FRMD4A: variants seen among roughly 807,000 people sequenced by gnomAD.
The protein encoded by FRMD4A is FERM domain-containing protein 4A.
In FRMD4A, 29 loss-of-function variants were observed where a neutral mutation model predicts 129.1. The ratio of observed to expected loss-of-function variants is 0.22; its 90% CI spans 0.17 to 0.31. The LOEUF is 0.31. FRMD4A is among the 10% of genes least tolerant of loss of function. FRMD4A has a pLI of 1.00. For synonymous variants in FRMD4A, 634 were observed against 571.6 expected (o/e 1.11, Z -1.56); for missense variants, 1,272 against 1,375.8 (o/e 0.92, Z 1.19).
intron 2 of FRMD4A, among the ~76,000 whole-genome samples, chr10:14,213,423 T>C (rs1191088900): frequency 1.3e-5 from 2 of 152,174 alleles, no homozygotes; most frequent in African/African-American, 4.8e-5. Context: ...CTATTATCTT[T>C]GAGCTCAGAG....
intron 12 of FRMD4A, among the ~76,000 whole-genome samples, chr10:13,726,519 G>A (rs2089906433): frequency 6.6e-6 from 1 of 152,190 alleles, no homozygotes; most frequent in Non-Finnish European, 1.5e-5. Flanking sequence ...AGAGCAGTGG[G>A]CCTTAAGCTC....
chr10:14,010,125 G>A (rs2095676206), intron 2 of FRMD4A, among the ~76,000 whole-genome samples: 1 of 151,980 alleles, frequency 6.6e-6, no homozygotes, highest in African/African-American at 2.4e-5. Flanking sequence ...GTCGGTGGGG[G>A]GGACAATGAT....
chr10:13,854,062 G>GTGAAAATCCACTCTATTTTTA (rs1158718819), intron 3 of FRMD4A, among the ~76,000 whole-genome samples: 2 of 151,990 alleles, frequency 1.3e-5, no homozygotes, highest in African/African-American at 2.4e-5. Context: ...TTCCATTCTA[G>GTGAAAATCCACTCTATTTTTA]TGAAAATCCA....
chr10:14,208,444 C>T (rs936968855), intron 2 of FRMD4A, among the ~76,000 whole-genome samples: 4 of 152,050 alleles, frequency 2.6e-5, no homozygotes, highest in African/African-American at 7.2e-5. Flanking sequence ...TGTTATCTAC[C>T]GCGTGGATGC....
intron 2 of FRMD4A, among the ~76,000 whole-genome samples, chr10:14,273,270 A>G (rs899745494): frequency 6.6e-6 from 1 of 152,052 alleles, no homozygotes; most frequent in African/African-American, 2.4e-5. Context: ...AAAAAAATAT[A>G]TATATCTTTT....
At chr10:13,661,359 G>A (rs1018806915) in intron 19 of FRMD4A, among the ~76,000 whole-genome samples, 5 of 152,216 alleles carry the variant, frequency 3.3e-5, no homozygotes, top group African/African-American at 1.2e-4. Flanking sequence ...AGGCAAAGAG[G>A]AGGAGGAAGG....
intron 2 of FRMD4A, among the ~76,000 whole-genome samples, chr10:14,124,287 T>C (rs1838703333): frequency 6.6e-6 from 1 of 152,180 alleles, no homozygotes; most frequent in African/African-American, 2.4e-5. Flanking sequence ...CTGTTCCAGG[T>C]GCCATGATCA....
At chr10:14,061,288 C>G (rs1834800881) in intron 2 of FRMD4A, among the ~76,000 whole-genome samples, 1 of 151,994 alleles carries the variant, frequency 6.6e-6, no homozygotes, top group Non-Finnish European at 1.5e-5. Context: ...CCCGTCTCTA[C>G]TAAAAATACA....
intron 20 of FRMD4A, among the ~76,000 whole-genome samples, chr10:13,660,023 T>C (rs2082508744): frequency 6.6e-6 from 1 of 152,234 alleles, no homozygotes; most frequent in African/African-American, 2.4e-5. Context: ...TATTTCAGAA[T>C]AGCGCTGCCT....
At chr10:14,211,705 G>C (rs1051813043) in intron 2 of FRMD4A, among the ~76,000 whole-genome samples, 1 of 152,146 alleles carries the variant, frequency 6.6e-6, no homozygotes. Context: ...GGCCAGGCTG[G>C]ATCGTGATGT....
chr10:13,889,652 A>G (rs1467736241), intron 2 of FRMD4A, among the ~76,000 whole-genome samples: 1 of 152,222 alleles, frequency 6.6e-6, no homozygotes, highest in Non-Finnish European at 1.5e-5. Context: ...CAAAAACAAT[A>G]TAGCAATAGC....
chr10:13,952,424 C>T (rs1422357163), intron 2 of FRMD4A, among the ~76,000 whole-genome samples: 1 of 151,922 alleles, frequency 6.6e-6, no homozygotes, highest in African/African-American at 2.4e-5. Flanking sequence ...TCACTTGAGC[C>T]CAGGAGTTGG....
chr10:14,021,228 T>TA (rs1386095364), intron 2 of FRMD4A, among the ~76,000 whole-genome samples: 3 of 151,398 alleles, frequency 2.0e-5, no homozygotes, highest in African/African-American at 4.9e-5. Context: ...ATACAGAAAA[T>TA]AAAAAAAATC....
intron 2 of FRMD4A, among the ~76,000 whole-genome samples, chr10:14,314,947 T>C (rs554368290): frequency 1.8e-5 from 1 of 55,776 alleles, no homozygotes; most frequent in Non-Finnish European, 5.3e-5. Flanking sequence ...ATCTTATATA[T>C]AGTTTTTTTT....
chr10:13,797,604 CTCTT>C (rs1325186879), intron 4 of FRMD4A, among the ~76,000 whole-genome samples: 1 of 152,172 alleles, frequency 6.6e-6, no homozygotes, highest in Non-Finnish European at 1.5e-5. Flanking sequence ...GAAGAATCCT[CTCTT>C]TCCTTTCCCT....
chr10:14,243,969 A>C (rs1844146418), intron 2 of FRMD4A, among the ~76,000 whole-genome samples: 1 of 152,178 alleles, frequency 6.6e-6, no homozygotes, highest in Non-Finnish European at 1.5e-5. Flanking sequence ...CTGTGGTCAA[A>C]GGCCTTCTTC....
intron 2 of FRMD4A, among the ~76,000 whole-genome samples, chr10:13,867,992 C>T (rs2094395882): frequency 6.8e-6 from 1 of 146,562 alleles, no homozygotes; most frequent in Non-Finnish European, 1.5e-5. Flanking sequence ...GGTGGCTCAC[C>T]CCTGTAATCC....
intron 2 of FRMD4A, among the ~76,000 whole-genome samples, chr10:13,873,423 C>T (rs550134322): frequency 2.2e-4 from 33 of 152,294 alleles, no homozygotes; most frequent in African/African-American, 7.7e-4. Flanking sequence ...TGCTGGAGAA[C>T]TCGCAAAGGA....
intron 2 of FRMD4A, among the ~76,000 whole-genome samples, chr10:13,990,233 T>C (rs1440332467): frequency 6.6e-6 from 1 of 152,228 alleles, no homozygotes; most frequent in Non-Finnish European, 1.5e-5. Flanking sequence ...AAAGAGCTCA[T>C]TAAAGGTACT....
Sources: allele counts gnomAD v4.1 joint callset (sites outside exome capture counted in the v4.1 genomes callset), GRCh38; gene constraint gnomAD v4.1.1; transcripts MANE v1.5; gene names NCBI Gene and HGNC (gene_info 2026-07-23, HGNC 2026-07-21).